COL24A1: variants seen among roughly 807,000 people sequenced by gnomAD.
COL24A1 encodes collagen alpha-1(XXIV) chain.
Under a neutral mutation model 253.9 loss-of-function variants are expected in COL24A1, and 224 were observed. The observed-to-expected ratio is 0.88, with a 90% CI of 0.79 to 0.99. The LOEUF (loss-of-function observed/expected upper bound fraction) is 0.99, where lower values mean the gene tolerates loss of function less well. Ranked by LOEUF, COL24A1 falls within the 50% of genes least tolerant of loss-of-function variation. The pLI is 0.00. For missense variants in COL24A1, 2,131 were observed against 2,068.5 expected (o/e 1.03, Z -0.59); for synonymous variants, 685 against 673.7 (o/e 1.02, Z -0.26).
intron 28 of COL24A1, among the ~76,000 whole-genome samples, chr1:85,900,239 GA>G (rs1249707035): frequency 6.6e-6 from 1 of 151,778 alleles, no homozygotes; most frequent in Non-Finnish European, 1.5e-5. Context: ...CACAGAGATA[GA>G]AAAAAAATCC....
chr1:86,089,276 T>G, intron 6 of COL24A1, 49 bp from the exon 7 acceptor site: 64 of 1,326,824 alleles, frequency 4.8e-5, no homozygotes, highest in Non-Finnish European at 6.1e-5. Context: ...AACTGAAAAT[T>G]AGAATTCTCT....
At chr1:86,026,587 C>T (rs947401374) in intron 14 of COL24A1, among the ~76,000 whole-genome samples, 5 of 152,198 alleles carry the variant, frequency 3.3e-5, no homozygotes, top group African/African-American at 4.8e-5. Flanking sequence ...CTGAGGTCAC[C>T]CCAGCAATGC....
At chr1:86,124,079 CTT>C (rs1647841235) in intron 3 of COL24A1, among the ~76,000 whole-genome samples, 1 of 151,766 alleles carries the variant, frequency 6.6e-6, no homozygotes, top group Non-Finnish European at 1.5e-5. Context: ...TTTTAAATGA[CTT>C]TAAGTGGTTT....
At chr1:85,889,082 T>G (rs369853704) in intron 32 of COL24A1, among the ~76,000 whole-genome samples, 1 of 152,134 alleles carries the variant, frequency 6.6e-6, no homozygotes, top group African/African-American at 2.4e-5. Context: ...TATTTCATAA[T>G]GATTTCATAA....
At chr1:85,823,070 C>T (rs1343517672) in intron 45 of COL24A1, among the ~76,000 whole-genome samples, 1 of 152,152 alleles carries the variant, frequency 6.6e-6, no homozygotes, top group East Asian at 1.9e-4. Flanking sequence ...TTGCAAAATC[C>T]CATTGCAGTG....
At position 86,125,912 on chromosome 1, in the gene COL24A1, A is replaced by AT. The variant is rs1384930180; in HGVS notation, c.423dup (p.Leu142IlefsTer6). 3 of 1,613,278 alleles carry AT rather than the reference A, an allele frequency of 1.9e-6. No individual in the cohort carries two copies. The highest frequency in any genetic ancestry group is 1.3e-5 in the African/African-American group (1 of 74,962). On this transcript the variant is annotated frameshift_variant, in exon 3 of 60. Coordinates refer to ENST00000370571, the MANE Select transcript of COL24A1 (RefSeq NM_152890.7). LOFTEE classifies it high-confidence loss of function. The stretch of plus-strand genomic sequence containing the variant: ...TGCTTTCCTCTAATGTGTACTACTA[A>AT]TTTTTTAGGTAGTAATTGTACTCCT...
chr1:86,086,327 C>G (rs1179106885), intron 7 of COL24A1, among the ~76,000 whole-genome samples: 1 of 152,132 alleles, frequency 6.6e-6, no homozygotes, highest in Non-Finnish European at 1.5e-5. Context: ...CCAAACCCAG[C>G]TCCAAGTTGG....
At chr1:86,131,541 G>C (rs1441897632) in intron 2 of COL24A1, among the ~76,000 whole-genome samples, 1 of 134,610 alleles carries the variant, frequency 7.4e-6, no homozygotes, top group South Asian at 2.2e-4. Context: ...GCCCCAGTGT[G>C]TGATGTTCAC....
chr1:85,985,099 C>T (rs72956215), intron 20 of COL24A1, among the ~76,000 whole-genome samples: 1,730 of 151,724 alleles, frequency 0.011, 29 homozygotes, highest in African/African-American at 0.039. Context: ...CACATAAGCA[C>T]ATCAGAAGTT....
At chr1:85,765,016 TA>T (rs1363167191) in intron 53 of COL24A1, among the ~76,000 whole-genome samples, 1 of 152,360 alleles carries the variant, frequency 6.6e-6, no homozygotes, top group African/African-American at 2.4e-5. Context: ...TTCTTGAATT[TA>T]AAAAGTTTGA....
intron 28 of COL24A1, among the ~76,000 whole-genome samples, chr1:85,906,643 T>C (rs926513001): frequency 2.0e-5 from 3 of 151,890 alleles, no homozygotes; most frequent in Non-Finnish European, 4.4e-5. Flanking sequence ...AGGCATGCAA[T>C]AAATAGTGGC....
intron 7 of COL24A1, among the ~76,000 whole-genome samples, chr1:86,087,351 G>A (rs1439381497): frequency 2.6e-5 from 4 of 152,124 alleles, no homozygotes; most frequent in Non-Finnish European, 4.4e-5. Flanking sequence ...CATATAACAT[G>A]TACACGGGTC....
chr1:85,847,814 T>C (rs1483865932), intron 38 of COL24A1, 42 bp from the exon 39 acceptor site: 2 of 1,300,542 alleles, frequency 1.5e-6, no homozygotes, highest in South Asian at 1.2e-5. Flanking sequence ...AGAAAAAAAT[T>C]TATACTTAGA....
chr1:86,075,312 G>C (rs989939159), intron 7 of COL24A1, among the ~76,000 whole-genome samples: 1 of 151,978 alleles, frequency 6.6e-6, no homozygotes, highest in African/African-American at 2.4e-5. Flanking sequence ...TAAATTCCTG[G>C]ACACATACAC....
chr1:86,126,327 A>C, intron 2 of COL24A1, 113 bp from the exon 3 acceptor site: 3 of 924,236 alleles, frequency 3.2e-6, no homozygotes, highest in Non-Finnish European at 4.8e-6. Context: ...AGTTTCTAAA[A>C]TAAGCATGTT....
intron 19 of COL24A1, among the ~76,000 whole-genome samples, chr1:86,016,699 A>C (rs965454560): frequency 6.6e-6 from 1 of 152,228 alleles, no homozygotes; most frequent in African/African-American, 2.4e-5. Flanking sequence ...CAACCATTAA[A>C]CCAAAGTCAA....
chr1:85,813,211 G>A (rs1672720136), intron 47 of COL24A1, among the ~76,000 whole-genome samples: 1 of 151,672 alleles, frequency 6.6e-6, no homozygotes, highest in Admixed American at 6.6e-5. Flanking sequence ...GTATATTTTT[G>A]GGACAGCATA....
intron 7 of COL24A1, among the ~76,000 whole-genome samples, chr1:86,085,516 C>G (rs891106924): frequency 2.0e-5 from 3 of 152,156 alleles, no homozygotes; most frequent in African/African-American, 4.8e-5. Flanking sequence ...CTTAGAAAAA[C>G]TGTTTCAATT....
chr1:86,043,604 T>C (rs967990426), intron 12 of COL24A1, among the ~76,000 whole-genome samples: 6 of 152,130 alleles, frequency 3.9e-5, no homozygotes, highest in African/African-American at 1.2e-4. Context: ...CTCAGCTCAC[T>C]GCAACCTCCG....
Sources: gnomAD v4.1 joint callset for allele counts (sites outside exome capture counted in the v4.1 genomes callset) on GRCh38, gnomAD v4.1.1 for gene constraint, MANE v1.5 for transcripts, NCBI Gene and HGNC (gene_info 2026-07-23, HGNC 2026-07-21) for gene names.